The following RALGAPA2 variants were observed in gnomAD, a reference collection of about 807,000 sequenced individuals.
The protein encoded by RALGAPA2 is ral GTPase-activating protein subunit alpha-2.
A neutral mutation model predicts 230.4 loss-of-function variants in RALGAPA2; 139 were observed. The observed-to-expected ratio is 0.60, with a 90% CI of 0.53 to 0.69. RALGAPA2 has a LOEUF of 0.69. Among genes scored for constraint, RALGAPA2 ranks in the 30% least tolerant of loss-of-function variants. RALGAPA2 has a pLI of 0.00. For missense variants in RALGAPA2, 2,163 were observed against 2,276.0 expected (o/e 0.95, Z 1.01); for synonymous variants, 847 against 837.8 (o/e 1.01, Z -0.19).
At chr20:20,593,631 T>G (rs967967578) in intron 16 of RALGAPA2, among the ~76,000 whole-genome samples, 1 of 152,226 alleles carries the variant, frequency 6.6e-6, no homozygotes. Flanking sequence ...CTTCCTAACT[T>G]TCTAAACTAT....
chr20:20,494,734 G>A (rs1239217580), intron 36 of RALGAPA2, among the ~76,000 whole-genome samples: 2 of 152,102 alleles, frequency 1.3e-5, no homozygotes, highest in African/African-American at 4.8e-5. Flanking sequence ...CCATACCCAC[G>A]GTTCTCCACA....
intron 23 of RALGAPA2, among the ~76,000 whole-genome samples, chr20:20,562,656 A>T (rs1051131350): frequency 6.6e-6 from 1 of 152,208 alleles, no homozygotes; most frequent in African/African-American, 2.4e-5. Context: ...TTCTCTCTGG[A>T]TCAGCCTCCA....
At chr20:20,575,640 C>T (rs930050934) in intron 20 of RALGAPA2, among the ~76,000 whole-genome samples, 3 of 152,078 alleles carry the variant, frequency 2.0e-5, no homozygotes, top group African/African-American at 7.2e-5. Context: ...CTGTTTTTAG[C>T]CCCATCATCA....
At chr20:20,681,479 C>A (rs917648022) in intron 1 of RALGAPA2, among the ~76,000 whole-genome samples, 1 of 152,162 alleles carries the variant, frequency 6.6e-6, no homozygotes, top group Non-Finnish European at 1.5e-5. Context: ...ACAGTGACAA[C>A]TCCCACTGGG....
intron 19 of RALGAPA2, among the ~76,000 whole-genome samples, chr20:20,583,536 T>C (rs374564285): frequency 2.2e-4 from 34 of 152,290 alleles, no homozygotes; most frequent in African/African-American, 7.7e-4. Flanking sequence ...AGTCCTAAAG[T>C]GTGCTGGGAC....
intron 37 of RALGAPA2, among the ~76,000 whole-genome samples, chr20:20,453,706 C>T (rs1426477505): frequency 1.3e-5 from 2 of 152,234 alleles, no homozygotes; most frequent in Non-Finnish European, 2.9e-5. Context: ...GCTCTCTTCC[C>T]TAATGTGCTC....
At chr20:20,402,246 C>G (rs1344365165) in intron 38 of RALGAPA2, among the ~76,000 whole-genome samples, 1 of 152,194 alleles carries the variant, frequency 6.6e-6, no homozygotes, top group Non-Finnish European at 1.5e-5. Flanking sequence ...GGAAAGTGTG[C>G]AGTAAACTGC....
chr20:20,503,431 A>G lies in RALGAPA2; in HGVS notation c.5128T>C (p.Tyr1710His), dbSNP rs549044108. Residue 1710 changes from tyrosine to histidine, a missense_variant, in exon 35 of 40, where the codon TAT (tyrosine) becomes CAT (histidine). Physicochemically the swap from Tyr to His is moderately conservative, Grantham distance 83 (BLOSUM62 2). Coordinates refer to ENST00000202677, the MANE Select transcript of RALGAPA2 (RefSeq NM_020343.4). ...ATCACTTCCACAGTTGAGGTAGCATAGTAAGGGGCCGTCTGCCCGGTGCTG... is the reference window on the plus strand; with the variant it reads ...ATCACTTCCACAGTTGAGGTAGCATGGTAAGGGGCCGTCTGCCCGGTGCTG... Reference protein sequence around the residue: ...NGSTGQTAPYYATSTVEVIFH... With the variant: ...NGSTGQTAPYHATSTVEVIFH... 29 of 1,609,344 alleles carry G rather than the reference A, an allele frequency of 1.8e-5. No individual in the cohort carries two copies. The East Asian group carries it at 4.5e-4, about 25-fold the overall frequency.
rs1428707076 is a variant in RALGAPA2, at chr20:20,605,351, T to C, written c.1862A>G (p.Asp621Gly). 2.5e-6 allele frequency: 4 copies of C among 1,613,822 alleles called. No individual in the cohort carries two copies. The Admixed American group carries it at 6.7e-5, about 27-fold the overall frequency. ...GGAGGACAGCACACCAAGAAAGTCATCCCAGAGCTCTCGAGAAATGTACAC... is the reference window on the plus strand; with the variant it reads ...GGAGGACAGCACACCAAGAAAGTCACCCCAGAGCTCTCGAGAAATGTACAC... ...LCVYISRELWDDFLGVLSSLT... is the reference protein window; with the variant it reads ...LCVYISRELWGDFLGVLSSLT... The change falls in exon 15 of 40, where the codon GAT becomes GGT. Residue 621 changes from aspartate (D) to glycine (G), a missense_variant. Transcript: ENST00000202677.
chr20:20,394,193 C>T (rs111932682), intron 39 of RALGAPA2, among the ~76,000 whole-genome samples: 49 of 152,100 alleles, frequency 3.2e-4, no homozygotes, highest in African/African-American at 1.1e-3. Context: ...CATTCTCTGA[C>T]CTTCCCTTAT....
intron 37 of RALGAPA2, among the ~76,000 whole-genome samples, chr20:20,444,295 G>A (rs2060809862): frequency 6.6e-6 from 1 of 152,184 alleles, no homozygotes; most frequent in African/African-American, 2.4e-5. Context: ...ATACAAAAAT[G>A]TTGTATATGA....
rs780368672 is a variant in RALGAPA2 at position 20,650,574 on chromosome 20, A to G, written c.328+2956T>C. Among the ~76,000 whole-genome samples the G allele has an allele frequency of 4.6e-5, 7 of 152,358 alleles. No homozygotes were observed. In the South Asian group the frequency reaches 6.2e-4, roughly 14 times the overall value. On this transcript the variant is annotated intron_variant, in intron 4 of 39. Transcript: ENST00000202677. ...TGCAGTAACATTTAATTAGTAAGACATTAGTATAGGAGTGTCCTCCCTAGT... is the reference window on the plus strand; with the variant it reads ...TGCAGTAACATTTAATTAGTAAGACGTTAGTATAGGAGTGTCCTCCCTAGT...
intron 27 of RALGAPA2, among the ~76,000 whole-genome samples, chr20:20,530,157 T>A (rs896250197): frequency 2.0e-5 from 3 of 152,140 alleles, no homozygotes; most frequent in Non-Finnish European, 4.4e-5. Flanking sequence ...GTGTTCTGGG[T>A]TTGGCTTTGG....
chr20:20,681,717 A>G (rs376997462), intron 1 of RALGAPA2, among the ~76,000 whole-genome samples: 15 of 152,194 alleles, frequency 9.9e-5, no homozygotes, highest in African/African-American at 3.4e-4. Context: ...GGAGCCAGGC[A>G]TTGTAGCTCA....
chr20:20,584,644 T>C (rs772839084), intron 19 of RALGAPA2, among the ~76,000 whole-genome samples: 1 of 152,080 alleles, frequency 6.6e-6, no homozygotes, highest in Non-Finnish European at 1.5e-5. Flanking sequence ...GCCAAGCGCA[T>C]TGACATGTGC....
At chr20:20,469,410 ACT>A (rs1308631364) in intron 37 of RALGAPA2, among the ~76,000 whole-genome samples, 1 of 152,176 alleles carries the variant, frequency 6.6e-6, no homozygotes, top group African/African-American at 2.4e-5. Context: ...AAGAGGGGAC[ACT>A]CTGGTACTAT....
intron 3 of RALGAPA2, among the ~76,000 whole-genome samples, chr20:20,659,287 T>C (rs1279246158): frequency 6.6e-6 from 1 of 152,212 alleles, no homozygotes; most frequent in East Asian, 1.9e-4. Flanking sequence ...AGAGGGCAAC[T>C]TGATCATTTG....
chr20:20,496,908 C>A (rs2062223023), intron 35 of RALGAPA2, among the ~76,000 whole-genome samples: 1 of 152,146 alleles, frequency 6.6e-6, no homozygotes, highest in African/African-American at 2.4e-5. Context: ...TACCATTGTA[C>A]CTATACTGAA....
chr20:20,652,425 T>G (rs2067431320), intron 4 of RALGAPA2, among the ~76,000 whole-genome samples: 1 of 152,158 alleles, frequency 6.6e-6, no homozygotes, highest in Non-Finnish European at 1.5e-5. Flanking sequence ...TAGAGACAAT[T>G]TTGCTGTAAT....
Sources: gnomAD v4.1 joint callset for allele counts (sites outside exome capture counted in the v4.1 genomes callset) on GRCh38, gnomAD v4.1.1 for gene constraint, MANE v1.5 for transcripts, NCBI Gene and HGNC (gene_info 2026-07-23, HGNC 2026-07-21) for gene names.